CDIP1: variants seen among roughly 807,000 people sequenced by gnomAD.
CDIP1 encodes the protein cell death-inducing p53-target protein 1.
CDIP1 carries 9 observed loss-of-function variants against 17.7 expected under a neutral mutation model. That is an observed-to-expected ratio of 0.51 (90% CI 0.31 to 0.89). The LOEUF (loss-of-function observed/expected upper bound fraction) is 0.89. Ranked by LOEUF, CDIP1 falls within the 40% of genes least tolerant of loss-of-function variation. The pLI is 0.05. For synonymous variants in CDIP1, 117 were observed against 109.5 expected, an observed-to-expected ratio of 1.07 and a Z score of -0.43; for missense variants, 263 against 277.9, an observed-to-expected ratio of 0.95 and a Z score of 0.38.
In CDIP1 at chr16:4,513,133, C is replaced by T. The variant is rs1039615848; in HGVS notation, c.242-69G>A. ...CACCTGCACCAGACAAAGAGATTGGCGCAAAGCCCCACGGTCCACAGCGCC... is the reference window on the plus strand; with the variant it reads ...CACCTGCACCAGACAAAGAGATTGGTGCAAAGCCCCACGGTCCACAGCGCC... On this transcript the variant is annotated intron_variant, in intron 4 of 5. Transcript: ENST00000567695. The surrounding 1 kb of genome is among the most constrained non-coding windows in gnomAD (Gnocchi z 4.1). 1.5e-5 allele frequency: 22 copies of T among 1,425,992 alleles called. No individual in the cohort carries two copies. The Admixed American group carries it at 2.7e-4, about 18-fold the overall frequency. The allele number at this position is 1,425,992 out of a possible 1,614,324, so 88.3% of individuals were successfully genotyped here.
intron 1 of CDIP1, among the ~76,000 whole-genome samples, chr16:4,519,030 T>C (rs115795441): frequency 2.0e-5 from 3 of 152,176 alleles, no homozygotes; most frequent in Non-Finnish European, 4.4e-5. Context: ...TTCTTGGCCT[T>C]CTTGCTTTAA....
intron 1 of CDIP1, among the ~76,000 whole-genome samples, chr16:4,517,613 T>C (rs1367465938): frequency 6.6e-6 from 1 of 152,152 alleles, no homozygotes; most frequent in East Asian, 1.9e-4. Flanking sequence ...TGATAATGTA[T>C]GCCTGTAGTC....
chr16:4,519,851 G>GA (rs2058926927), intron 1 of CDIP1, among the ~76,000 whole-genome samples: 1 of 152,028 alleles, frequency 6.6e-6, no homozygotes, highest in Admixed American at 6.6e-5. Flanking sequence ...CTTCCACCAT[G>GA]AATGGAAGCA....
chr16:4,537,889 C>G (rs1435450439), intron 1 of CDIP1, among the ~76,000 whole-genome samples: 1 of 152,230 alleles, frequency 6.6e-6, no homozygotes, highest in Non-Finnish European at 1.5e-5. Context: ...TAGGCCAGGC[C>G]GTCGCCATCT....
intron 1 of CDIP1, among the ~76,000 whole-genome samples, chr16:4,531,976 C>T (rs946778076): frequency 1.3e-5 from 2 of 152,234 alleles, no homozygotes; most frequent in Non-Finnish European, 2.9e-5. Flanking sequence ...CCTCAGGCCC[C>T]GCTGGGCCTC....
intron 1 of CDIP1, among the ~76,000 whole-genome samples, chr16:4,531,454 C>G (rs1475894915): frequency 6.6e-6 from 1 of 152,192 alleles, no homozygotes; most frequent in Non-Finnish European, 1.5e-5. Flanking sequence ...GTGTCTGCTC[C>G]TGGCCAGAGA....
chr16:4,518,669 T>C (rs1005028747), intron 1 of CDIP1, among the ~76,000 whole-genome samples: 1 of 152,182 alleles, frequency 6.6e-6, no homozygotes. Flanking sequence ...ATTTCCCGAA[T>C]TCAAACACCC....
At position 4,513,896 on chromosome 16, in the gene CDIP1, G is replaced by A; in HGVS notation, c.86-45C>T. 1 of 1,511,890 alleles carries A rather than the reference G, an allele frequency of 6.6e-7. No homozygotes were observed. The highest frequency in any genetic ancestry group is 8.9e-7 in the Non-Finnish European group (1 of 1,127,194). The allele number at this position is 1,511,890 out of a possible 1,614,324, so 93.7% of individuals were successfully genotyped here. On this transcript the variant is annotated intron_variant, in intron 3 of 5. Transcript: ENST00000567695. This position sits in a 1 kb window ranked among gnomAD's most constrained non-coding sequence, Gnocchi z 4.1. The stretch of plus-strand genomic sequence containing the variant: ...AAGAGGAGACTGAGCTGGAGCCTCT[G>A]CACGATGAGCTCGACCAGAGGCCAC...
At chr16:4,520,651 A>C (rs747499918) in intron 1 of CDIP1, among the ~76,000 whole-genome samples, 1 of 152,206 alleles carries the variant, frequency 6.6e-6, no homozygotes, top group Non-Finnish European at 1.5e-5. Context: ...TGCTGGTATC[A>C]CTACCAATGT....
In CDIP1 at chr16:4,535,414, C is replaced by T. The variant is rs139563638; in HGVS notation, c.-105+3288G>A. ...TATTACCAAAAATGCATCACAACTG[C>T]TTTCAAGGAAAGAATCAGAATGCTC... On this transcript the variant is annotated intron_variant, in intron 1 of 5. Transcript: ENST00000567695. 2.0e-3 allele frequency among the ~76,000 whole-genome samples: 306 copies of T among 152,334 alleles called. 5 individuals are homozygous for T. Among genetic ancestry groups the T allele is most frequent in the African/African-American group, 7.1e-3 (296 of 41,572 alleles).
chr16:4,520,448 G>A (rs905745653), intron 1 of CDIP1, among the ~76,000 whole-genome samples: 1 of 152,136 alleles, frequency 6.6e-6, no homozygotes, highest in Non-Finnish European at 1.5e-5. Context: ...GGAATTGGAA[G>A]CCTTAACAAT....
chr16:4,528,378 C>T (rs2059021827), intron 1 of CDIP1, among the ~76,000 whole-genome samples: 1 of 152,210 alleles, frequency 6.6e-6, no homozygotes, highest in Non-Finnish European at 1.5e-5. Context: ...TGCACTCTTC[C>T]ATAACACATA....
chr16:4,527,163 C>A (rs998733854), intron 1 of CDIP1, among the ~76,000 whole-genome samples: 1 of 151,654 alleles, frequency 6.6e-6, no homozygotes, highest in Non-Finnish European at 1.5e-5. Context: ...TCTTGGCTCA[C>A]TGCAAGCTCC....
chr16:4,513,770 G>T lies in CDIP1; in HGVS notation c.167C>A (p.Pro56Gln), dbSNP rs369159827. ...PADIGPPPYEPPGHPMPQPGF... is the reference protein window; with the variant it reads ...PADIGPPPYEQPGHPMPQPGF... ...AGGCTGGGGCATTGGGTGACCCGGC[G>T]GCTCATAGGGTGGGGGGCCAATGTC... The change falls in exon 4 of 6, where the codon CCG becomes CAG. Residue 56 changes from proline to glutamine, a missense_variant. Physicochemically the swap from Pro to Gln is moderately conservative, Grantham distance 76 (BLOSUM62 -1). Transcript: ENST00000567695. This position sits in a 1 kb window ranked among gnomAD's most constrained non-coding sequence, Gnocchi z 4.1. 6.2e-7 allele frequency: 1 copy of T among 1,611,638 alleles called. No individual in the cohort carries two copies. Among genetic ancestry groups the T allele is most frequent in the Non-Finnish European group, 8.5e-7 (1 of 1,178,426 alleles).
chr16:4,512,991 G>A lies in CDIP1; in HGVS notation c.315C>T (p.Tyr105=), dbSNP rs900081761. The change falls in exon 5 of 6, where the codon TAC becomes TAT. Residue 105 remains tyrosine (Y), a synonymous_variant. Coordinates refer to ENST00000567695, the MANE Select transcript of CDIP1 (RefSeq NM_013399.3). The surrounding 1 kb of genome is among the most constrained non-coding windows in gnomAD (Gnocchi z 4.6). ...TGGCTGTGTGGCCCCCAGGGCCAGG[G>A]TAGGGCCCTGGCGTGTAGGGCCCTG... ...YPPGPYTPGP[Y]PGPGGHTATV... 1.3e-6 allele frequency: 2 copies of A among 1,589,770 alleles called. No individual in the cohort carries two copies. Among genetic ancestry groups the A allele is most frequent in the Admixed American group, 1.8e-5 (1 of 55,200 alleles).
chr16:4,528,711 G>T (rs2141653855), intron 1 of CDIP1, among the ~76,000 whole-genome samples: 1 of 134,998 alleles, frequency 7.4e-6, no homozygotes, highest in African/African-American at 2.9e-5. Flanking sequence ...AAAAAAGGCT[G>T]GCCGCGGTGG....
chr16:4,522,187 C>T (rs1242809282), intron 1 of CDIP1, among the ~76,000 whole-genome samples: 4 of 152,180 alleles, frequency 2.6e-5, no homozygotes, highest in Non-Finnish European at 5.9e-5. Flanking sequence ...CACGGTAACC[C>T]GAGACAACTC....
At chr16:4,520,622 A>G (rs946167022) in intron 1 of CDIP1, among the ~76,000 whole-genome samples, 1 of 152,170 alleles carries the variant, frequency 6.6e-6, no homozygotes, top group African/African-American at 2.4e-5. Context: ...TGAACAATAT[A>G]TATTTTTTTA....
chr16:4,534,024 A>G (rs865184), intron 1 of CDIP1, among the ~76,000 whole-genome samples: 2 of 152,006 alleles, frequency 1.3e-5, no homozygotes, highest in Admixed American at 6.6e-5. Flanking sequence ...GATCTCGGCT[A>G]GCTGCAACCC....
Sources: gnomAD v4.1 joint callset for allele counts (sites outside exome capture counted in the v4.1 genomes callset) on GRCh38, gnomAD v4.1.1 for gene constraint, Gnocchi (gnomAD v3.1) non-coding constraint, MANE v1.5 for transcripts, NCBI Gene and HGNC (gene_info 2026-07-23, HGNC 2026-07-21) for gene names.